The following GRXCR2 variants were observed in gnomAD, a reference collection of about 807,000 sequenced individuals.
The protein encoded by GRXCR2 is glutaredoxin and cysteine rich domain containing 2.
GRXCR2 carries 23 observed loss-of-function variants against 24.8 expected under a neutral mutation model. The observed-to-expected ratio is 0.93, with a 90% CI of 0.67 to 1.32. The LOEUF is 1.32. Among genes scored for constraint, GRXCR2 ranks in the 40% most tolerant of loss-of-function variants. GRXCR2 has a pLI of 0.00. For missense variants in GRXCR2, 315 were observed against 303.4 expected (o/e 1.04, Z -0.28); for synonymous variants, 130 against 116.1 (o/e 1.12, Z -0.77).
At chr5:145,866,397 T>C (rs555189986) in intron 2 of GRXCR2, 104 bp downstream of exon 2, 1 of 706,256 alleles carries the variant, frequency 1.4e-6, no homozygotes, top group African/African-American at 1.8e-5. Flanking sequence ...ATCTTAAGTA[T>C]TCATATTCAA....
rs1331152533 is a variant in GRXCR2, at chr5:145,872,807, C to T, written c.162G>A (p.Leu54=). ...CATCCATTGTTTCAAGAGACTCTTGCAGAAAACTGTGAGGGTATTCCTCCT... is the reference window on the plus strand; with the variant it reads ...CATCCATTGTTTCAAGAGACTCTTGTAGAAAACTGTGAGGGTATTCCTCCT... ...SPKEEYPHSF[L]QESLETMDGV... is the part of the protein sequence containing the mutation. Residue 54 remains leucine, a synonymous_variant, in exon 1 of 3, where the codon CTG becomes CTA. Transcript: ENST00000377976. 22 of 1,614,180 alleles carry T rather than the reference C, an allele frequency of 1.4e-5. No homozygotes were observed. The highest frequency in any genetic ancestry group is 1.9e-5 in the Non-Finnish European group (22 of 1,180,014).
intron 2 of GRXCR2, among the ~76,000 whole-genome samples, chr5:145,923,050 T>C (rs1242981843): frequency 6.6e-6 from 1 of 152,216 alleles, no homozygotes; most frequent in African/African-American, 2.4e-5. Context: ...TAGTTGAAAA[T>C]GCATAAGCCC....
chr5:145,930,589 T>A (rs1757465201), intron 2 of GRXCR2, among the ~76,000 whole-genome samples: 1 of 152,186 alleles, frequency 6.6e-6, no homozygotes, highest in Non-Finnish European at 1.5e-5. Context: ...TGATTCGACA[T>A]TTTAAAAAAG....
intron 2 of GRXCR2, among the ~76,000 whole-genome samples, chr5:145,916,707 G>A (rs1468841708): frequency 6.6e-6 from 1 of 152,126 alleles, no homozygotes; most frequent in Non-Finnish European, 1.5e-5. Flanking sequence ...TTCAAACAAG[G>A]TTCAAATTAA....
intron 2 of GRXCR2, among the ~76,000 whole-genome samples, chr5:145,910,070 G>T (rs1757144219): frequency 6.6e-6 from 1 of 152,132 alleles, no homozygotes; most frequent in Admixed American, 6.5e-5. Context: ...GAGTCATATT[G>T]TACATCGAAG....
At chr5:145,866,394 G>T in intron 2 of GRXCR2, 107 bp downstream of exon 2, 2 of 691,274 alleles carry the variant, frequency 2.9e-6, no homozygotes, top group Non-Finnish European at 5.1e-6. Context: ...GGTATCTTAA[G>T]TATTCATATT....
At chr5:145,873,760 A>G (rs927836265), upstream of GRXCR2, among the ~76,000 whole-genome samples, 7 of 152,216 alleles carry the variant, frequency 4.6e-5, no homozygotes, top group African/African-American at 1.7e-4. Flanking sequence ...TATGTATTTT[A>G]CATTTAAGAT....
At chr5:145,901,096 C>A (rs1757016762) in intron 2 of GRXCR2, among the ~76,000 whole-genome samples, 1 of 149,668 alleles carries the variant, frequency 6.7e-6, no homozygotes, top group South Asian at 2.1e-4. Flanking sequence ...AGGTAAATAT[C>A]AGATATTCAT....
chr5:145,868,239 A>G (rs1200778554), intron 1 of GRXCR2, among the ~76,000 whole-genome samples: 1 of 152,204 alleles, frequency 6.6e-6, no homozygotes, highest in Non-Finnish European at 1.5e-5. Flanking sequence ...ATGCACAATC[A>G]TACTACACAA....
chr5:145,920,600 G>C (rs1157524720), intron 2 of GRXCR2, among the ~76,000 whole-genome samples: 3 of 152,096 alleles, frequency 2.0e-5, no homozygotes, highest in Non-Finnish European at 4.4e-5. Flanking sequence ...CCCCAAACAT[G>C]TTTCCTTACT....
In GRXCR2 at chr5:145,901,415, A is replaced by T. The variant is rs567991943; in HGVS notation, c.-70+34286T>A. On this transcript the variant is annotated intron_variant, in intron 2 of 3. Transcript: ENST00000639411. ...TTATAAAGAATTCATTCATTTATTT[A>T]TACTTTTAGAAAATATTTATTAGGT... Among the ~76,000 whole-genome samples, 3 of 152,322 alleles carry T rather than the reference A, an allele frequency of 2.0e-5. No homozygotes were observed. The South Asian group carries it at 6.2e-4, about 32-fold the overall frequency.
At chr5:145,889,172 A>AAAGAAAG (rs1554105330) in intron 2 of GRXCR2, among the ~76,000 whole-genome samples, 2,485 of 83,878 alleles carry the variant, frequency 0.03, 78 homozygotes, top group Non-Finnish European at 0.038. Context: ...CTGTCTCAAA[A>AAAGAAAG]AAAGAAAGAA....
chr5:145,898,630 T>A (rs1298498172), intron 2 of GRXCR2, among the ~76,000 whole-genome samples: 2 of 152,082 alleles, frequency 1.3e-5, no homozygotes, highest in African/African-American at 4.8e-5. Flanking sequence ...TGGTTCAACA[T>A]ACACAAGTAA....
intron 2 of GRXCR2, among the ~76,000 whole-genome samples, chr5:145,882,123 G>A (rs1464803621): frequency 1.3e-5 from 2 of 152,170 alleles, no homozygotes; most frequent in East Asian, 1.9e-4. Flanking sequence ...AGGACTTCAT[G>A]ACTAAAACAC....
At chr5:145,912,965 T>C (rs1757187406) in intron 2 of GRXCR2, among the ~76,000 whole-genome samples, 1 of 152,244 alleles carries the variant, frequency 6.6e-6, no homozygotes, top group East Asian at 1.9e-4. Context: ...ATTTACATTT[T>C]TAAACAGTAA....
At chr5:145,907,714 G>T (rs1405260083) in intron 2 of GRXCR2, among the ~76,000 whole-genome samples, 1 of 152,100 alleles carries the variant, frequency 6.6e-6, no homozygotes, top group Non-Finnish European at 1.5e-5. Flanking sequence ...CCGACACGGG[G>T]TCCTGGAAGA....
At chr5:145,928,072 C>T (rs1250481480) in intron 2 of GRXCR2, among the ~76,000 whole-genome samples, 1 of 151,774 alleles carries the variant, frequency 6.6e-6, no homozygotes, top group East Asian at 1.9e-4. Flanking sequence ...AACAAACAAC[C>T]CCATCAAAAA....
intron 2 of GRXCR2, among the ~76,000 whole-genome samples, chr5:145,918,175 G>A (rs549737234): frequency 5.3e-5 from 8 of 152,282 alleles, no homozygotes; most frequent in African/African-American, 1.9e-4. Flanking sequence ...AGAAGACCTC[G>A]TTATTAGCCA....
intron 2 of GRXCR2, among the ~76,000 whole-genome samples, chr5:145,927,630 G>A (rs1185035525): frequency 1.3e-5 from 2 of 152,204 alleles, no homozygotes; most frequent in Non-Finnish European, 2.9e-5. Flanking sequence ...ATTCGGTTTG[G>A]CAGTATTTTA....
Sources: allele counts gnomAD v4.1 joint callset (sites outside exome capture counted in the v4.1 genomes callset), GRCh38; gene constraint gnomAD v4.1.1; transcripts MANE v1.5; gene names NCBI Gene and HGNC (gene_info 2026-07-23, HGNC 2026-07-21).